The following SLC9A9 variants were observed in gnomAD, a reference collection of about 807,000 sequenced individuals.
SLC9A9 encodes solute carrier family 9 member A9, also known as sodium/hydrogen exchanger 9.
SLC9A9 carries 62 observed loss-of-function variants against 77.8 expected under a neutral mutation model. That is an observed-to-expected ratio of 0.80 (90% CI 0.65 to 0.98). The LOEUF (loss-of-function observed/expected upper bound fraction) is 0.98, where lower values mean the gene tolerates loss of function less well. SLC9A9 is among the 50% of genes least tolerant of loss of function. SLC9A9 has a pLI of 0.00. For synonymous variants in SLC9A9, 320 were observed against 283.5 expected (o/e 1.13, Z -1.29); for missense variants, 775 against 774.9 (o/e 1.00, Z 0.00).
chr3:143,304,050 C>T (rs376253984), intron 14 of SLC9A9, among the ~76,000 whole-genome samples: 2 of 152,236 alleles, frequency 1.3e-5, no homozygotes, highest in African/African-American at 4.8e-5. Flanking sequence ...GAAGAGGTCT[C>T]TTAGACCTTT....
intron 7 of SLC9A9, among the ~76,000 whole-genome samples, chr3:143,577,001 T>C (rs1525858): frequency 0.11 from 17,448 of 152,228 alleles, 1,176 homozygotes; most frequent in East Asian, 0.16. Context: ...ATTTTTCCTT[T>C]TAAATATCAG....
intron 4 of SLC9A9, among the ~76,000 whole-genome samples, chr3:143,710,841 CT>C (rs1934124103): frequency 6.6e-6 from 1 of 152,146 alleles, no homozygotes; most frequent in African/African-American, 2.4e-5. Flanking sequence ...TATTTATGTT[CT>C]TCAGCCATAG....
chr3:143,682,718 C>A (rs1056037717), intron 5 of SLC9A9, among the ~76,000 whole-genome samples: 1 of 152,134 alleles, frequency 6.6e-6, no homozygotes, highest in African/African-American at 2.4e-5. Flanking sequence ...TTTCTTTGCC[C>A]TTTCCAACTT....
intron 2 of SLC9A9, among the ~76,000 whole-genome samples, chr3:143,819,082 C>CA (rs1373463096): frequency 5.3e-5 from 8 of 150,558 alleles, no homozygotes; most frequent in Non-Finnish European, 1.0e-4. Flanking sequence ...AACTCTGTCT[C>CA]AAAAAAAAGG....
At chr3:143,402,390 G>T (rs1313968220) in intron 12 of SLC9A9, among the ~76,000 whole-genome samples, 2 of 150,482 alleles carry the variant, frequency 1.3e-5, no homozygotes, top group African/African-American at 2.4e-5. Flanking sequence ...AAATATTATT[G>T]CAGTGTGGTA....
At chr3:143,268,794 A>T in intron 15 of SLC9A9, 81 bp downstream of exon 15, 5 of 697,652 alleles carry the variant, frequency 7.2e-6, no homozygotes, top group Non-Finnish European at 1.2e-5. Flanking sequence ...AGGCTTTTTG[A>T]GGTTCCTGGG....
chr3:143,590,647 C>A (rs1461023209), intron 6 of SLC9A9, among the ~76,000 whole-genome samples: 2 of 152,182 alleles, frequency 1.3e-5, no homozygotes, highest in Admixed American at 1.3e-4. Context: ...TCTAACAAAG[C>A]TGAACTTTTA....
At chr3:143,722,364 C>T (rs1205225876) in intron 4 of SLC9A9, among the ~76,000 whole-genome samples, 2 of 147,552 alleles carry the variant, frequency 1.4e-5, no homozygotes, top group Admixed American at 1.4e-4. Flanking sequence ...TCCCAGTTAC[C>T]CGAGAGGCTG....
chr3:143,400,686 TAAAC>T (rs1163391784), intron 12 of SLC9A9, among the ~76,000 whole-genome samples: 3 of 99,634 alleles, frequency 3.0e-5, no homozygotes, highest in Non-Finnish European at 6.4e-5. Flanking sequence ...CCTATGGAAA[TAAAC>T]AATTAAAAAA....
chr3:143,401,399 T>C (rs561076252), intron 12 of SLC9A9, among the ~76,000 whole-genome samples: 3 of 152,212 alleles, frequency 2.0e-5, no homozygotes, highest in Admixed American at 1.3e-4. Context: ...GCTCTTATAA[T>C]AGTTCCTTGC....
Position 143,449,644 on chromosome 3 carries a change from A to T in SLC9A9, c.1469+17393T>A, listed in dbSNP as rs750246035. Among the ~76,000 whole-genome samples the T allele has an allele frequency of 2.9e-3, 31 of 10,624 alleles. 6 individuals carry two copies. Among genetic ancestry groups the T allele is most frequent in the African/African-American group, 0.015 (12 of 798 alleles). The allele number at this position is 10,624 out of a possible 152,430, so 7.0% of individuals were successfully genotyped here. A position where few individuals can be genotyped will look rare whatever the true frequency, so the allele number is the denominator to read the frequency against. On this transcript the variant is annotated intron_variant, in intron 12 of 15. Coordinates refer to ENST00000316549, the MANE Select transcript of SLC9A9 (RefSeq NM_173653.4). ...ATAATTATATAAAATATAATTATAT[A>T]ATATAATTATATAAAATATAATTAT...
intron 12 of SLC9A9, among the ~76,000 whole-genome samples, chr3:143,388,952 G>T (rs145161673): frequency 1.3e-5 from 2 of 152,200 alleles, no homozygotes; most frequent in Non-Finnish European, 2.9e-5. Context: ...AAGAGAAAAG[G>T]TTGGGGAGGG....
Position 143,622,163 on chromosome 3 carries a change from A to T in SLC9A9, c.755+30092T>A, listed in dbSNP as rs531889010. ...ACTGGTGTACCTGAAAGTGATGGGG[A>T]GAATGGAACCAAGTTGGAAAACACT... On this transcript the variant is annotated intron_variant, in intron 6 of 15. Coordinates refer to ENST00000316549, the MANE Select transcript of SLC9A9 (RefSeq NM_173653.4). Among the ~76,000 whole-genome samples, 132 of 152,364 alleles carry T rather than the reference A, an allele frequency of 8.7e-4. 1 individual carries two copies. The East Asian group carries it at 0.023, about 27-fold the overall frequency.
rs556627736 is a variant in SLC9A9, at chr3:143,324,995, T to G, written c.1604+38489A>C. Among the ~76,000 whole-genome samples the G allele has an allele frequency of 2.0e-5, 3 of 152,046 alleles. No individual in the cohort carries two copies. The East Asian group carries it at 5.8e-4, about 29-fold the overall frequency. ...TTTTCCATGGAAAAATATTTAATAG[T>G]GTCCCAAATCCTTTACTCTGGCTGG... On this transcript the variant is annotated intron_variant, in intron 14 of 15. Transcript: ENST00000316549.
chr3:143,670,250 C>G (rs2039136680), intron 5 of SLC9A9, among the ~76,000 whole-genome samples: 1 of 152,200 alleles, frequency 6.6e-6, no homozygotes, highest in East Asian at 1.9e-4. Flanking sequence ...TCACTCCAAA[C>G]TCCAAACTGT....
chr3:143,504,676 A>T (rs1325669359), intron 9 of SLC9A9, among the ~76,000 whole-genome samples: 1 of 152,170 alleles, frequency 6.6e-6, no homozygotes. Flanking sequence ...TTTTTTTAGG[A>T]CCTAAATTGT....
At position 143,266,792 on chromosome 3, in the gene SLC9A9, T is replaced by C. The variant is rs764994371; in HGVS notation, c.1848A>G (p.Pro616=). The change falls in exon 16 of 16, where the codon CCA becomes CCG. Residue 616 remains proline, a synonymous_variant. Coordinates refer to ENST00000316549, the MANE Select transcript of SLC9A9 (RefSeq NM_173653.4). ...CTCCCTCATAAATGTTTTCCTTGCC[T>C]GGCGTCTGGGGTGAAGCTTTCTGGT... ...GLDQKASPQT[P]GKENIYEGDL... is the part of the protein sequence containing the mutation. The C allele has an allele frequency of 3.1e-6, 5 of 1,614,212 alleles. No individual in the cohort carries two copies. The South Asian group carries it at 4.4e-5, about 14-fold the overall frequency.
chr3:143,285,350 A>C (rs1402396497), intron 14 of SLC9A9, among the ~76,000 whole-genome samples: 1 of 152,158 alleles, frequency 6.6e-6, no homozygotes, highest in Non-Finnish European at 1.5e-5. Context: ...CTCTGTGCTA[A>C]GTACTTTACA....
intron 4 of SLC9A9, among the ~76,000 whole-genome samples, chr3:143,728,043 T>G (rs1170894381): frequency 6.6e-6 from 1 of 152,224 alleles, no homozygotes. Flanking sequence ...TTGTCCCTGA[T>G]AGCTGTTTTT....
Sources: allele counts gnomAD v4.1 joint callset (sites outside exome capture counted in the v4.1 genomes callset), GRCh38; gene constraint gnomAD v4.1.1; transcripts MANE v1.5; gene names NCBI Gene and HGNC (gene_info 2026-07-23, HGNC 2026-07-21).